The following ESRRG variants were observed in gnomAD, a reference collection of about 807,000 sequenced individuals.
ESRRG encodes estrogen related receptor gamma, also known as estrogen-related receptor gamma.
In ESRRG, 13 loss-of-function variants were observed where a neutral mutation model predicts 44.0. The observed-to-expected ratio is 0.30, with a 90% CI of 0.19 to 0.47. The LOEUF is 0.47. ESRRG is among the 20% of genes least tolerant of loss of function. The pLI, the probability that ESRRG is intolerant of heterozygous loss-of-function variation, is 1.00. For synonymous variants in ESRRG, 215 were observed against 214.6 expected (o/e 1.00, Z -0.02); for missense variants, 395 against 580.6 (o/e 0.68, Z 3.29).
At chr1:216,638,151 G>A (rs987038486) in intron 3 of ESRRG, among the ~76,000 whole-genome samples, 1 of 152,106 alleles carries the variant, frequency 6.6e-6, no homozygotes, top group Non-Finnish European at 1.5e-5. Flanking sequence ...GTGAAGAATG[G>A]AATACTAAAA....
At chr1:216,862,021 A>G (rs945319421) in intron 2 of ESRRG, among the ~76,000 whole-genome samples, 1 of 152,188 alleles carries the variant, frequency 6.6e-6, no homozygotes, top group South Asian at 2.1e-4. Flanking sequence ...AATGAATACA[A>G]TTGAAAAGTC....
intron 2 of ESRRG, among the ~76,000 whole-genome samples, chr1:216,800,352 T>C (rs1179053161): frequency 1.3e-5 from 2 of 152,162 alleles, no homozygotes; most frequent in Non-Finnish European, 2.9e-5. Context: ...CTGAAAAATT[T>C]GCAAAAGCAG....
At chr1:216,555,194 GA>G (rs1459026551) in intron 5 of ESRRG, among the ~76,000 whole-genome samples, 3 of 151,970 alleles carry the variant, frequency 2.0e-5, no homozygotes, top group Admixed American at 1.3e-4. Flanking sequence ...ATTCTTGGGG[GA>G]AAAAAAGCAT....
rs555996453 is a variant in ESRRG at position 216,963,775 on chromosome 1, C to G, written c.-105-24102G>C. On this transcript the variant is annotated intron_variant, in intron 1 of 7. Coordinates refer to the ESRRG transcript ENST00000359162. ...TTTGTGCAGGGCTCTATGGAAAGTA[C>G]AAGGAAGGCAGAGGAGAAGCTAAAG... 9.2e-5 allele frequency among the ~76,000 whole-genome samples: 14 copies of G among 152,178 alleles called. No individual in the cohort carries two copies. The South Asian group carries it at 1.5e-3, about 16-fold the overall frequency.
chr1:216,839,386 T>C (rs139031748), intron 2 of ESRRG, among the ~76,000 whole-genome samples: 50 of 152,290 alleles, frequency 3.3e-4, no homozygotes, highest in African/African-American at 1.2e-3. Context: ...AAGTCATTAA[T>C]GAGGGTTGGA....
intron 2 of ESRRG, among the ~76,000 whole-genome samples, chr1:216,811,730 T>C (rs372351060): frequency 5.9e-5 from 9 of 152,298 alleles, no homozygotes; most frequent in African/African-American, 2.2e-4. Flanking sequence ...GCATTATTTC[T>C]GGCATTAGTT....
At chr1:216,750,762 T>TC (rs2152292620) in intron 2 of ESRRG, among the ~76,000 whole-genome samples, 1 of 151,196 alleles carries the variant, frequency 6.6e-6, no homozygotes, top group South Asian at 2.1e-4. Context: ...TTATTTACCT[T>TC]TTTTTAAAAA....
intron 1 of ESRRG, among the ~76,000 whole-genome samples, chr1:217,063,969 T>A (rs1000068953): frequency 6.6e-6 from 1 of 152,160 alleles, no homozygotes; most frequent in Non-Finnish European, 1.5e-5. Context: ...GTGCTTTATA[T>A]ATTTTATGTC....
At chr1:217,077,025 C>G (rs1232598128) in intron 1 of ESRRG, 2 of 152,140 alleles carry the variant, frequency 1.3e-5, no homozygotes, top group African/African-American at 4.8e-5. Flanking sequence ...TAAAACTGAA[C>G]AGAAGCTGAT....
intron 1 of ESRRG, among the ~76,000 whole-genome samples, chr1:216,956,455 A>G (rs546593103): frequency 6.6e-6 from 1 of 152,234 alleles, no homozygotes; most frequent in South Asian, 2.1e-4. Flanking sequence ...ACTCTGTTCC[A>G]TCGGTCTATG....
intron 3 of ESRRG, among the ~76,000 whole-genome samples, chr1:216,576,923 C>T (rs1013670909): frequency 2.0e-5 from 3 of 151,924 alleles, no homozygotes; most frequent in Admixed American, 6.6e-5. Context: ...CAGCCCTGAG[C>T]CTTACAATAC....
At chr1:216,736,628 G>A (rs2089966338) in intron 2 of ESRRG, among the ~76,000 whole-genome samples, 1 of 152,148 alleles carries the variant, frequency 6.6e-6, no homozygotes, top group African/African-American at 2.4e-5. Flanking sequence ...AGGAAGAATG[G>A]TTTTTGGTCA....
chr1:216,961,417 A>G (rs1398223916), intron 1 of ESRRG, among the ~76,000 whole-genome samples: 1 of 152,188 alleles, frequency 6.6e-6, no homozygotes, highest in Non-Finnish European at 1.5e-5. Flanking sequence ...AATTATTTTT[A>G]TCAAAGGATA....
intron 2 of ESRRG, among the ~76,000 whole-genome samples, chr1:216,774,918 C>T (rs2093542894): frequency 6.6e-6 from 1 of 150,412 alleles, no homozygotes; most frequent in South Asian, 2.1e-4. Context: ...CCTCCCACCT[C>T]AGCCTCTTGA....
chr1:216,736,073 A>AG (rs1043679208), intron 2 of ESRRG, among the ~76,000 whole-genome samples: 1 of 111,320 alleles, frequency 9.0e-6, no homozygotes, highest in Non-Finnish European at 2.0e-5. Context: ...AGATGAGAAC[A>AG]GGGGGGGAGT....
rs78380595 is a variant in ESRRG, at chr1:216,527,888, T to C, written c.863-8467A>G. ...TAAGGGAGTGGATGTGAAGATCTGC[T>C]GCTTGATAGATGTATCTGTATCCTC... On this transcript the variant is annotated intron_variant, in intron 5 of 6. Transcript: ENST00000408911. Among the ~76,000 whole-genome samples, 1,262 of 152,254 alleles carry C rather than the reference T, an allele frequency of 8.3e-3. 16 individuals are homozygous for C. Among genetic ancestry groups the C allele is most frequent in the African/African-American group, 0.026 (1,064 of 41,560 alleles).
chr1:216,619,802 C>T (rs774046162), intron 3 of ESRRG, among the ~76,000 whole-genome samples: 19 of 152,140 alleles, frequency 1.2e-4, no homozygotes, highest in Non-Finnish European at 7.4e-5. Context: ...GAATAATCCA[C>T]GGAGTACACC....
At chr1:216,650,023 A>C (rs2068562677) in intron 3 of ESRRG, among the ~76,000 whole-genome samples, 1 of 152,186 alleles carries the variant, frequency 6.6e-6, no homozygotes. Flanking sequence ...TCTATGATGC[A>C]ACAGAAGTTA....
intron 1 of ESRRG, among the ~76,000 whole-genome samples, chr1:217,021,915 C>T (rs972478955): frequency 1.3e-5 from 2 of 152,180 alleles, no homozygotes; most frequent in African/African-American, 2.4e-5. Context: ...ACTATGGGCT[C>T]GCTTTCCAGC....
Sources: allele counts gnomAD v4.1 joint callset (sites outside exome capture counted in the v4.1 genomes callset), GRCh38; gene constraint gnomAD v4.1.1; transcripts MANE v1.5; gene names NCBI Gene and HGNC (gene_info 2026-07-23, HGNC 2026-07-21).